TOX3: variants seen among roughly 807,000 people sequenced by gnomAD.
The protein encoded by TOX3 is CAG trinucleotide repeat-containing gene F9 protein.
In TOX3, 22 loss-of-function variants were observed where a neutral mutation model predicts 64.3. The ratio of observed to expected loss-of-function variants is 0.34; its 90% CI spans 0.24 to 0.49. TOX3 has a LOEUF of 0.49. Among genes scored for constraint, TOX3 ranks in the 20% least tolerant of loss-of-function variants. The pLI, the probability that TOX3 is intolerant of heterozygous loss-of-function variation, is 0.99. For missense variants in TOX3, 661 were observed against 714.4 expected (o/e 0.93, Z 0.85); for synonymous variants, 291 against 273.6 (o/e 1.06, Z -0.63).
At chr16:52,465,041 G>A (rs1169556142) in intron 2 of TOX3, among the ~76,000 whole-genome samples, 1 of 83,252 alleles carries the variant, frequency 1.2e-5, no homozygotes, top group African/African-American at 4.9e-5. Flanking sequence ...TTGAGACAGA[G>A]TCTCGCTCTG....
At chr16:52,493,590 G>A (rs922849786) in intron 1 of TOX3, among the ~76,000 whole-genome samples, 18 of 152,084 alleles carry the variant, frequency 1.2e-4, no homozygotes, top group South Asian at 2.1e-4. Context: ...AAATATTCTC[G>A]TTTGTTCTCC....
chr16:52,492,564 A>ATATATATATATATAT (rs1961721045), intron 1 of TOX3, among the ~76,000 whole-genome samples: 1 of 90,694 alleles, frequency 1.1e-5, no homozygotes, highest in Non-Finnish European at 2.1e-5. Flanking sequence ...GTTGTATATA[A>ATATATATATATATAT]ATATATATAT....
intron 3 of TOX3, among the ~76,000 whole-genome samples, chr16:52,451,561 C>T (rs1350832253): frequency 1.3e-5 from 2 of 152,122 alleles, no homozygotes; most frequent in East Asian, 3.9e-4. Flanking sequence ...ACCAAATTCT[C>T]TTGACTCACA....
chr16:52,449,961 A>G (rs939494326), intron 4 of TOX3, among the ~76,000 whole-genome samples: 1 of 152,252 alleles, frequency 6.6e-6, no homozygotes, highest in Non-Finnish European at 1.5e-5. Flanking sequence ...TGGAATGTCT[A>G]GAATTTCTGG....
chr16:52,498,038 A>G (rs1961894225), intron 1 of TOX3, among the ~76,000 whole-genome samples: 1 of 152,200 alleles, frequency 6.6e-6, no homozygotes. Context: ...AATTTAATAT[A>G]CGGCCAAGAG....
chr16:52,540,471 C>A (rs1217994628), intron 1 of TOX3, among the ~76,000 whole-genome samples: 2 of 152,086 alleles, frequency 1.3e-5, no homozygotes, highest in Non-Finnish European at 2.9e-5. Flanking sequence ...TTCCAACAGC[C>A]TTCTTCCTTG....
intron 1 of TOX3, among the ~76,000 whole-genome samples, chr16:52,534,875 T>C (rs1962917252): frequency 6.6e-6 from 1 of 151,926 alleles, no homozygotes; most frequent in Non-Finnish European, 1.5e-5. Flanking sequence ...TCAGGAAAAA[T>C]TTTGAAAAGA....
chr16:52,495,206 T>A lies in TOX3; in HGVS notation c.88-26632A>T, dbSNP rs1371999533. On this transcript the variant is annotated intron_variant, in intron 1 of 6. Transcript: ENST00000219746. Reference sequence around the variant, plus strand: ...CCTTTAAGACATCATAATAAAACTTTGAAAGGAGTTGGGAGCCCAGAACGT... The same window carrying A: ...CCTTTAAGACATCATAATAAAACTTAGAAAGGAGTTGGGAGCCCAGAACGT... Among the ~76,000 whole-genome samples, 4 of 152,292 alleles carry A rather than the reference T, an allele frequency of 2.6e-5. No homozygotes were observed. In the East Asian group the frequency reaches 7.7e-4, roughly 29 times the overall value.
At chr16:52,473,798 A>G (rs899915727) in intron 1 of TOX3, among the ~76,000 whole-genome samples, 1 of 152,220 alleles carries the variant, frequency 6.6e-6, no homozygotes, top group Admixed American at 6.5e-5. Context: ...GAGGTTCAAC[A>G]ATACTTTAGA....
At chr16:52,497,782 G>A (rs180982035) in intron 1 of TOX3, among the ~76,000 whole-genome samples, 1 of 151,444 alleles carries the variant, frequency 6.6e-6, no homozygotes, top group Admixed American at 6.6e-5. Flanking sequence ...AGCCAGTTGT[G>A]TTTTTTTTAA....
chr16:52,442,094 C>T (rs551338347), intron 6 of TOX3, among the ~76,000 whole-genome samples: 1 of 152,210 alleles, frequency 6.6e-6, no homozygotes, highest in Non-Finnish European at 1.5e-5. Flanking sequence ...ACTATTGTGC[C>T]TTTAAGATGC....
At position 52,450,433 on chromosome 16, in the gene TOX3, G is replaced by A; in HGVS notation, c.522C>T (p.Leu174=). The change falls in exon 4 of 7, where the codon CTC becomes CTT. Residue 174 remains leucine, a synonymous_variant. Transcript: ENST00000219746. ...TGAGCTGAGACTGGTTGATGGTGGT[G>A]AGCTGGGCAGGAGGCATGACCCCAG... The part of the protein sequence containing the change: ...ARSGVMPPAQ[L]TTINQSQLSA... 6.2e-7 allele frequency: 1 copy of A among 1,614,022 alleles called. No individual in the cohort carries two copies. The highest frequency in any genetic ancestry group is 8.5e-7 in the Non-Finnish European group (1 of 1,179,878).
intron 1 of TOX3, among the ~76,000 whole-genome samples, chr16:52,471,069 C>G (rs1041469740): frequency 5.9e-5 from 9 of 152,112 alleles, no homozygotes; most frequent in Non-Finnish European, 1.3e-4. Flanking sequence ...AGATAATATA[C>G]AGGACACCCA....
intron 1 of TOX3, among the ~76,000 whole-genome samples, chr16:52,469,613 G>A (rs1960979681): frequency 6.6e-6 from 1 of 152,122 alleles, no homozygotes; most frequent in South Asian, 2.1e-4. Flanking sequence ...TATAAATAAA[G>A]CTAGTAATTA....
At chr16:52,485,135 A>ATG (rs1567329258) in intron 1 of TOX3, among the ~76,000 whole-genome samples, 1 of 108,606 alleles carries the variant, frequency 9.2e-6, no homozygotes, top group East Asian at 4.6e-4. Context: ...GTGTATACAT[A>ATG]TGTGTGTATA....
intron 1 of TOX3, among the ~76,000 whole-genome samples, chr16:52,486,628 T>C (rs1299849014): frequency 6.6e-6 from 1 of 152,078 alleles, no homozygotes. Context: ...CAAGGAAGAA[T>C]TATAGATATA....
intron 1 of TOX3, among the ~76,000 whole-genome samples, chr16:52,510,824 T>A (rs1169220572): frequency 6.7e-6 from 1 of 148,956 alleles, no homozygotes; most frequent in Non-Finnish European, 1.5e-5. Context: ...TCTGGCTCTC[T>A]CCCTAAAATG....
upstream of TOX3, chr16:52,547,796 T>G (rs1963233373): frequency 6.6e-6 from 1 of 152,254 alleles, no homozygotes; most frequent in South Asian, 2.1e-4. Flanking sequence ...AAGCCTCGTG[T>G]CGGTTCTCTT....
intron 1 of TOX3, among the ~76,000 whole-genome samples, chr16:52,536,413 C>A (rs1471152298): frequency 6.7e-6 from 1 of 150,082 alleles, no homozygotes; most frequent in Non-Finnish European, 1.5e-5. Flanking sequence ...GGGCTCTAGA[C>A]AGAGAGAATA....
Sources: gnomAD v4.1 joint callset for allele counts (sites outside exome capture counted in the v4.1 genomes callset) on GRCh38, gnomAD v4.1.1 for gene constraint, MANE v1.5 for transcripts, NCBI Gene and HGNC (gene_info 2026-07-23, HGNC 2026-07-21) for gene names.